Variants in N4BP2L2 observed in about 807,000 individuals in gnomAD.
N4BP2L2 encodes NEDD4-binding protein 2-like 2.
In N4BP2L2, 50 loss-of-function variants were observed where a neutral mutation model predicts 56.2. The observed-to-expected ratio is 0.89, with a 90% confidence interval of 0.71 to 1.13. The LOEUF is 1.13. Among genes scored for constraint, N4BP2L2 ranks in the 50% most tolerant of loss-of-function variants. N4BP2L2 has a pLI of 0.00. For missense variants in N4BP2L2, 689 were observed against 693.8 expected, an observed-to-expected ratio of 0.99 and a Z score of 0.08; for synonymous variants, 203 against 223.6, an observed-to-expected ratio of 0.91 and a Z score of 0.82.
At chr13:32,481,380 ATGAT>A (rs1274392019) in intron 6 of N4BP2L2, among the ~76,000 whole-genome samples, 3 of 152,118 alleles carry the variant, frequency 2.0e-5, no homozygotes, top group Non-Finnish European at 4.4e-5. Context: ...CTGAAGCTCA[ATGAT>A]TGACACTATC....
At chr13:32,455,787 C>T (rs931936536) in intron 6 of N4BP2L2, among the ~76,000 whole-genome samples, 9 of 152,160 alleles carry the variant, frequency 5.9e-5, no homozygotes, top group Admixed American at 4.6e-4. Flanking sequence ...GCGGGATCTC[C>T]GCACTCCTCT....
At chr13:32,503,172 CAA>C (rs35773755) in intron 6 of N4BP2L2, among the ~76,000 whole-genome samples, 2,430 of 57,762 alleles carry the variant, frequency 0.042, 38 homozygotes, top group African/African-American at 0.14. Context: ...GACTCTGTAG[CAA>C]AAAAAAAAAA....
intron 6 of N4BP2L2, among the ~76,000 whole-genome samples, chr13:32,446,915 C>T (rs1266954158): frequency 1.3e-5 from 2 of 151,376 alleles, no homozygotes; most frequent in Non-Finnish European, 2.9e-5. Context: ...AACTGATATA[C>T]AGAGAAGTTG....
chr13:32,446,098 A>C (rs1357917951), intron 6 of N4BP2L2, among the ~76,000 whole-genome samples: 1 of 152,212 alleles, frequency 6.6e-6, no homozygotes, highest in African/African-American at 2.4e-5. Flanking sequence ...GCATTGGACA[A>C]ATGAGATTAA....
chr13:32,443,449 C>T lies in N4BP2L2; in HGVS notation c.1043G>A (p.Trp348Ter), dbSNP rs1279078485. Residue 348 changes from tryptophan to a stop codon, truncating the protein, a stop_gained, in exon 7 of 10, where the codon TGG (tryptophan) becomes TAG (stop). Coordinates refer to the N4BP2L2 transcript ENST00000357505. LOFTEE classifies it high-confidence loss of function. ...AGATAAATTGGTTGTGAAAAAAGCC[C>T]AGTGATTGATTTTAGTTGTATACAC... 25 of 1,613,804 alleles carry T rather than the reference C, an allele frequency of 1.5e-5. No individual in the cohort carries two copies. Among genetic ancestry groups the T allele is most frequent in the Non-Finnish European group, 2.0e-5 (24 of 1,179,876 alleles).
At chr13:32,518,054 T>C in intron 5 of N4BP2L2, 51 bp from the exon 6 acceptor site, 1 of 1,532,842 alleles carries the variant, frequency 6.5e-7, no homozygotes, top group Non-Finnish European at 8.8e-7. Flanking sequence ...TGTACAGGCT[T>C]AGAGATTAAC....
intron 6 of N4BP2L2, among the ~76,000 whole-genome samples, chr13:32,453,084 C>T (rs966854535): frequency 6.6e-6 from 1 of 151,974 alleles, no homozygotes; most frequent in Non-Finnish European, 1.5e-5. Context: ...CAAGGAGAAA[C>T]CCTGTCTCTA....
intron 6 of N4BP2L2, among the ~76,000 whole-genome samples, chr13:32,473,727 C>G (rs2082736773): frequency 6.6e-6 from 1 of 152,168 alleles, no homozygotes; most frequent in African/African-American, 2.4e-5. Context: ...TTTTCAAATC[C>G]AGCAACACTG....
At chr13:32,509,866 A>G (rs542643679), downstream of N4BP2L2, among the ~76,000 whole-genome samples, 2 of 152,320 alleles carry the variant, frequency 1.3e-5, no homozygotes, top group South Asian at 4.1e-4. Context: ...AATGAAGAAA[A>G]AACACAAACT....
intron 6 of N4BP2L2, among the ~76,000 whole-genome samples, chr13:32,493,222 GTC>G (rs1365390862): frequency 2.6e-5 from 4 of 152,064 alleles, no homozygotes; most frequent in African/African-American, 7.2e-5. Context: ...ACCGTGCCCA[GTC>G]TCTTTCTTTT....
chr13:32,520,541 C>A (rs901345428), intron 5 of N4BP2L2, among the ~76,000 whole-genome samples: 1 of 151,832 alleles, frequency 6.6e-6, no homozygotes, highest in East Asian at 1.9e-4. Context: ...CACCTATAGT[C>A]CCACCCATTG....
chr13:32,511,359 C>A (rs2048102701), exon 6 of N4BP2L2: 1 of 152,144 alleles, frequency 6.6e-6, no homozygotes, highest in Non-Finnish European at 1.5e-5. Context: ...CAGTTAAGGG[C>A]AACCAGCAAC....
chr13:32,480,412 C>T (rs2084377090), intron 6 of N4BP2L2, among the ~76,000 whole-genome samples: 1 of 152,058 alleles, frequency 6.6e-6, no homozygotes, highest in Admixed American at 6.5e-5. Context: ...ATAAAGAGTC[C>T]AGATTAAAAG....
chr13:32,508,765 T>A (rs1406079244), downstream of N4BP2L2: 1 of 152,138 alleles, frequency 6.6e-6, no homozygotes, highest in Admixed American at 6.5e-5. Context: ...ATGCAAGCAT[T>A]TGTGTGTTTT....
chr13:32,517,025 T>C lies in N4BP2L2; in HGVS notation c.*777A>G, dbSNP rs1262357226. 1.5e-5 allele frequency: 15 copies of C among 971,822 alleles called. No individual in the cohort carries two copies. The South Asian group carries it at 2.4e-4, about 15-fold the overall frequency. 60.2% of individuals were successfully genotyped at this position (971,822 alleles called of 1,614,324 possible). A position where few individuals can be genotyped will look rare whatever the true frequency, so the allele number is the denominator to read the frequency against. ...TATAGTACAAATCCTCTTATGACCA[T>C]GTTAAGCAACTGTCCAAAATATTTT... On this transcript the variant is annotated 3_prime_UTR_variant, in exon 6 of 6. Transcript: ENST00000267068.
intron 9 of N4BP2L2, among the ~76,000 whole-genome samples, chr13:32,433,863 A>G (rs1441315233): frequency 1.0e-4 from 15 of 147,490 alleles, no homozygotes; most frequent in Middle Eastern, 3.4e-3. Flanking sequence ...CCAGGAAGGC[A>G]GAGACTGCAG....
chr13:32,475,994 C>T (rs1321737477), intron 6 of N4BP2L2, among the ~76,000 whole-genome samples: 2 of 152,174 alleles, frequency 1.3e-5, no homozygotes, highest in South Asian at 2.1e-4. Context: ...TTCTGTCTAT[C>T]TGGATACCTT....
chr13:32,537,932 T>C (rs987712618), intron 1 of N4BP2L2, among the ~76,000 whole-genome samples: 51 of 151,666 alleles, frequency 3.4e-4, no homozygotes, highest in African/African-American at 1.2e-3. Flanking sequence ...TAGCCGGGCA[T>C]GGGGGCGCGC....
downstream of N4BP2L2, chr13:32,507,350 G>T (rs1476982794): frequency 2.6e-5 from 4 of 152,002 alleles, no homozygotes; most frequent in East Asian, 1.9e-4. Context: ...AAATACATTT[G>T]GGGGTCAATA....
Sources: allele counts gnomAD v4.1 joint callset (sites outside exome capture counted in the v4.1 genomes callset), GRCh38; gene constraint gnomAD v4.1.1; transcripts MANE v1.5; gene names NCBI Gene and HGNC (gene_info 2026-07-23, HGNC 2026-07-21).